Variants in TCF3 observed in about 807,000 individuals in gnomAD.
TCF3 encodes transcription factor E2-alpha.
Under a neutral mutation model 72.3 loss-of-function variants are expected in TCF3, and 54 were observed. The observed-to-expected ratio is 0.75, with a 90% CI of 0.60 to 0.94. The LOEUF (loss-of-function observed/expected upper bound fraction) is 0.94. Ranked by LOEUF, TCF3 falls within the 40% of genes least tolerant of loss-of-function variation. The probability of loss-of-function intolerance (pLI) is 0.00; values close to 1 mark genes in which losing one functional copy is unlikely to be tolerated. For missense variants in TCF3, 1,078 were observed against 934.4 expected (o/e 1.15, Z -2.00); for synonymous variants, 525 against 412.6 (o/e 1.27, Z -3.30).
chr19:1,639,751 GAA>G (rs10674333), intron 3 of TCF3, among the ~76,000 whole-genome samples: 4 of 54,212 alleles, frequency 7.4e-5, no homozygotes, highest in South Asian at 7.9e-4. Flanking sequence ...AGGAAATTAG[GAA>G]AAAAAAAAAA....
intron 8 of TCF3, 109 bp downstream of exon 8, chr19:1,623,842 G>A (rs1044538754): frequency 4.4e-5 from 49 of 1,117,354 alleles, no homozygotes; most frequent in Admixed American, 8.9e-5. Flanking sequence ...CAGGGGGCCT[G>A]TCCACTCAGG....
Position 1,650,390 on chromosome 19 carries a change from T to G in TCF3, c.-39-103A>C, listed in dbSNP as rs1206674398. On this transcript the variant is annotated intron_variant, in intron 1 of 18. Coordinates refer to ENST00000262965, the MANE Select transcript of TCF3 (RefSeq NM_003200.5). The stretch of plus-strand genomic sequence containing the variant: ...GTGCTAAAAGCCACCTAAAAAACCC[T>G]CAACCGCCCTGGGGTCTGAGTTCCA... The G allele has an allele frequency of 3.2e-5, 27 of 849,224 alleles. No homozygotes were observed. The Admixed American group carries it at 5.0e-4, about 16-fold the overall frequency. The allele number at this position is 849,224 out of a possible 1,614,324, so 52.6% of individuals were successfully genotyped here.
intron 3 of TCF3, among the ~76,000 whole-genome samples, chr19:1,634,802 C>T (rs875639): frequency 1.2e-4 from 18 of 152,314 alleles, no homozygotes; most frequent in South Asian, 6.2e-4. Flanking sequence ...CCCTAAGCTG[C>T]TTTTTAAATA....
chr19:1,615,777 G>A lies in TCF3; in HGVS notation c.1495C>T (p.Arg499Trp), dbSNP rs182482393. 66 of 1,589,818 alleles carry A rather than the reference G, an allele frequency of 4.2e-5. No homozygotes were observed. The highest frequency in any genetic ancestry group is 9.0e-5 in the East Asian group (4 of 44,464). Residue 499 changes from arginine to tryptophan, a missense_variant, in exon 17 of 19, where the codon CGG (arginine) becomes TGG (tryptophan). Physicochemically the swap from Arg to Trp is moderately radical, Grantham distance 101. Coordinates refer to ENST00000262965, the MANE Select transcript of TCF3 (RefSeq NM_003200.5). The surrounding 1 kb of genome is among the most constrained non-coding windows in gnomAD (Gnocchi z 7.3). ...GATAAASEIK[R>W]EEKEDEENTS... ...TTCTCCTCGTCCTCCTTCTCCTCCC[G>A]CTTGATCTCGCTGGCGGCCGCCGTG...
intron 5 of TCF3, among the ~76,000 whole-genome samples, chr19:1,631,122 T>A (rs1167020271): frequency 6.6e-6 from 1 of 152,186 alleles, no homozygotes. Context: ...GGGCAGGGCC[T>A]GCAGAGCTGG....
At chr19:1,626,444 G>A (rs1199525422) in intron 6 of TCF3, among the ~76,000 whole-genome samples, 5 of 150,318 alleles carry the variant, frequency 3.3e-5, no homozygotes, top group African/African-American at 7.4e-5. Flanking sequence ...GCGAAACTCC[G>A]TCTCAAAAAA....
chr19:1,615,533 C>A lies in TCF3; in HGVS notation c.1587-13G>T. The A allele has an allele frequency of 6.2e-7, 1 of 1,605,680 alleles. No homozygotes were observed. The highest frequency in any genetic ancestry group is 8.5e-7 in the Non-Finnish European group (1 of 1,179,756). ...GTCCTCGTCTGGGCTATGGGGAGGGCGCCGGGAGGGGGCCAGAGGGAGACA... is the reference window on the plus strand; with the variant it reads ...GTCCTCGTCTGGGCTATGGGGAGGGAGCCGGGAGGGGGCCAGAGGGAGACA... On this transcript the variant is annotated splice_polypyrimidine_tract_variant and intron_variant, in intron 17 of 18. Transcript: ENST00000262965. This position sits in a 1 kb window ranked among gnomAD's most constrained non-coding sequence, Gnocchi z 7.3.
chr19:1,616,028 T>C (rs1325498097), intron 16 of TCF3, among the ~76,000 whole-genome samples: 1 of 152,140 alleles, frequency 6.6e-6, no homozygotes, highest in Non-Finnish European at 1.5e-5. Context: ...GACCACAAGA[T>C]GAAAGGGAAA....
Position 1,640,744 on chromosome 19 carries a change from CA to C in TCF3, c.145+5610del, listed in dbSNP as rs539723399. 7.3e-5 allele frequency among the ~76,000 whole-genome samples: 11 copies of C among 151,194 alleles called. No homozygotes were observed. In the South Asian group the frequency reaches 2.3e-3, roughly 32 times the overall value. On this transcript the variant is annotated intron_variant, in intron 3 of 18. Coordinates refer to ENST00000262965, the MANE Select transcript of TCF3 (RefSeq NM_003200.5). ...GCGTGAACCTGGGAGGCGGAGCTTGCAGTGAGCTGAGATCACGCCACTGCAC... is the reference window on the plus strand; with the variant it reads ...GCGTGAACCTGGGAGGCGGAGCTTGCGTGAGCTGAGATCACGCCACTGCAC...
chr19:1,648,101 G>A (rs2066399333), intron 2 of TCF3, among the ~76,000 whole-genome samples: 1 of 152,238 alleles, frequency 6.6e-6, no homozygotes, highest in African/African-American at 2.4e-5. Flanking sequence ...GCTAGCCTGG[G>A]TCAGGGCAGG....
At chr19:1,646,526 C>T (rs1011566414) in intron 2 of TCF3, 99 bp from the exon 3 acceptor site, 7 of 1,131,388 alleles carry the variant, frequency 6.2e-6, no homozygotes, top group Admixed American at 4.2e-5. Context: ...TGGGGACACC[C>T]GGGAACCTGA....
At chr19:1,641,255 C>T (rs992792882) in intron 3 of TCF3, among the ~76,000 whole-genome samples, 2 of 151,126 alleles carry the variant, frequency 1.3e-5, no homozygotes, top group Non-Finnish European at 2.9e-5. Context: ...ATTATGCTAA[C>T]GTAACAGAAT....
Position 1,651,107 on chromosome 19 carries a change from G to C in TCF3, c.-39-820C>G, listed in dbSNP as rs968327050. 17 of 231,832 alleles carry C rather than the reference G, an allele frequency of 7.3e-5. No individual in the cohort carries two copies. In the East Asian group the frequency reaches 9.7e-4, roughly 13 times the overall value. 14.4% of individuals were successfully genotyped at this position (231,832 alleles called of 1,614,324 possible). ...ACCAGGGTGCTCCCGCGTGGTCCCA[G>C]GGGGCTCCATTCTAAGATGGGGGAT... On this transcript the variant is annotated intron_variant, in intron 1 of 18. Coordinates refer to ENST00000262965, the MANE Select transcript of TCF3 (RefSeq NM_003200.5).
chr19:1,625,961 G>T (rs565433875), intron 6 of TCF3, among the ~76,000 whole-genome samples: 2 of 152,322 alleles, frequency 1.3e-5, no homozygotes, highest in East Asian at 3.9e-4. Flanking sequence ...CAACCCAAGG[G>T]GCTGCTCCCC....
At chr19:1,634,214 TCCC>T (rs536565511) in intron 3 of TCF3, among the ~76,000 whole-genome samples, 232 of 152,072 alleles carry the variant, frequency 1.5e-3, no homozygotes, top group Non-Finnish European at 2.4e-3. Context: ...GTTATTAAAA[TCCC>T]CCCCACCGAT....
chr19:1,641,410 A>C (rs2065227956), intron 3 of TCF3, among the ~76,000 whole-genome samples: 1 of 152,126 alleles, frequency 6.6e-6, no homozygotes, highest in African/African-American at 2.4e-5. Context: ...TGAGCTCATG[A>C]ATACAAGATC....
rs2061854198 is a variant in TCF3 at position 1,619,015 on chromosome 19, C to T, written c.1450+96G>A. On this transcript the variant is annotated intron_variant, in intron 16 of 18. Coordinates refer to ENST00000262965, the MANE Select transcript of TCF3 (RefSeq NM_003200.5). ...GTCACCAGGTGCCCCCACGGTGACA[C>T]CTGCCCTGGGCTCCCACCCTGACCC... 3.8e-6 allele frequency: 6 copies of T among 1,570,252 alleles called. No individual in the cohort carries two copies. The African/African-American group carries it at 5.4e-5, about 14-fold the overall frequency.
At chr19:1,624,540 T>C (rs1477644404) in intron 7 of TCF3, among the ~76,000 whole-genome samples, 1 of 152,234 alleles carries the variant, frequency 6.6e-6, no homozygotes, top group Non-Finnish European at 1.5e-5. Context: ...GCCAAGGCTC[T>C]GCTGAGAAGC....
At position 1,610,940 on chromosome 19, in the gene TCF3, C is replaced by CG. The variant is rs1395665155; in HGVS notation, c.*766dup. On this transcript the variant is annotated 3_prime_UTR_variant, in exon 19 of 19. Transcript: ENST00000262965. ...AGTGGCTTCCGGGGGGGGGGGGGGACGGGGGGGCTCAGGTTTACACGGGGT... is the reference window on the plus strand; with the variant it reads ...AGTGGCTTCCGGGGGGGGGGGGGGACGGGGGGGGCTCAGGTTTACACGGGGT... The CG allele has an allele frequency of 0.012, 557 of 46,536 alleles. 7 individuals carry two copies. Among genetic ancestry groups the CG allele is most frequent in the African/African-American group, 0.05 (425 of 8,522 alleles). The allele number at this position is 46,536 out of a possible 1,614,324, so 2.9% of individuals were successfully genotyped here.
Sources: allele counts gnomAD v4.1 joint callset (sites outside exome capture counted in the v4.1 genomes callset), GRCh38; gene constraint gnomAD v4.1.1; non-coding constraint Gnocchi (gnomAD v3.1); transcripts MANE v1.5; gene names NCBI Gene and HGNC (gene_info 2026-07-23, HGNC 2026-07-21).